METTL21A: variants seen among roughly 807,000 people sequenced by gnomAD.
METTL21A encodes the protein protein N-lysine methyltransferase METTL21A.
METTL21A carries 22 observed loss-of-function variants against 20.9 expected under a neutral mutation model. The observed-to-expected ratio is 1.05, with a 90% CI of 0.75 to 1.50. METTL21A has a LOEUF of 1.50. Among genes scored for constraint, METTL21A ranks in the 40% most tolerant of loss-of-function variants. METTL21A has a pLI of 0.00. For synonymous variants in METTL21A, 93 were observed against 102.0 expected (o/e 0.91, Z 0.53); for missense variants, 271 against 266.8 (o/e 1.02, Z -0.11).
chr2:207,621,668 TG>T (rs1386727625), intron 3 of METTL21A, 137 bp downstream of exon 3: 1 of 690,520 alleles, frequency 1.4e-6, no homozygotes, highest in Non-Finnish European at 2.5e-6. Context: ...CCCCAGCAGT[TG>T]GCCCACAACT....
rs1486978375 is a variant in METTL21A at position 207,621,787 on chromosome 2, G to T, written c.259+19C>A. 3.8e-6 allele frequency: 6 copies of T among 1,598,810 alleles called. No individual in the cohort carries two copies. The highest frequency in any genetic ancestry group is 5.1e-6 in the Non-Finnish European group (6 of 1,166,094). On this transcript the variant is annotated intron_variant, in intron 3 of 3. Transcript: ENST00000406927. ...CTCAATGAGTTCTGCTCACTAAGGAGTCAATGCATGACACTCACCCAGCAG... is the reference window on the plus strand; with the variant it reads ...CTCAATGAGTTCTGCTCACTAAGGATTCAATGCATGACACTCACCCAGCAG...
chr2:207,593,293 A>G (rs1256053749), intron 3 of METTL21A, among the ~76,000 whole-genome samples: 2 of 152,216 alleles, frequency 1.3e-5, no homozygotes, highest in Non-Finnish European at 2.9e-5. Context: ...TGGGAGGCTG[A>G]GGCAGGAGGA....
rs144105113 is a variant in METTL21A, at chr2:207,624,328, T to C, written c.48A>G (p.Lys16=). 55 of 1,613,972 alleles carry C rather than the reference T, an allele frequency of 3.4e-5. No homozygotes were observed. In the African/African-American group the frequency reaches 6.3e-4, roughly 18 times the overall value. Reference sequence around the variant, plus strand: ...AAAAAGTTGCAAGAGGCTTGTGGAATTTCTGCAACCCAAATTCCGTGGTCT... The same window carrying C: ...AAAAAGTTGCAAGAGGCTTGTGGAACTTCTGCAACCCAAATTCCGTGGTCT... Residue 16 remains lysine (K), a synonymous_variant, in exon 2 of 4, where the codon AAA becomes AAG. Transcript: ENST00000406927.
chr2:207,617,321 A>G (rs1026977917), intron 3 of METTL21A, among the ~76,000 whole-genome samples: 2 of 152,256 alleles, frequency 1.3e-5, no homozygotes, highest in African/African-American at 4.8e-5. Context: ...TAATAGAAAC[A>G]TGAGTGTGCG....
exon 4 of METTL21A, chr2:207,581,968 A>G: frequency 1.4e-6 from 1 of 702,192 alleles, no homozygotes. Flanking sequence ...TTGAGATAAT[A>G]GGTTTTGGGG....
intron 2 of METTL21A, among the ~76,000 whole-genome samples, chr2:207,623,305 C>T (rs2090716060): frequency 6.6e-6 from 1 of 152,168 alleles, no homozygotes; most frequent in South Asian, 2.1e-4. Context: ...TTTATTCCTA[C>T]GTGTTTAACA....
intron 3 of METTL21A, chr2:207,602,272 C>T (rs1050085263): frequency 9.0e-5 from 17 of 188,990 alleles, no homozygotes; most frequent in Admixed American, 6.2e-4. Context: ...AGAACAAAGC[C>T]GGTGATGCAA....
exon 3 of METTL21A, chr2:207,621,896 G>A: frequency 2.5e-6 from 4 of 1,614,120 alleles, no homozygotes; most frequent in Non-Finnish European, 3.4e-6. Context: ...CCCATCTCCA[G>A]GTATGTGGAA....
intron 3 of METTL21A, among the ~76,000 whole-genome samples, chr2:207,595,471 G>A (rs2085962647): frequency 6.6e-6 from 1 of 151,598 alleles, no homozygotes; most frequent in African/African-American, 2.4e-5. Context: ...CCCAAGCTGT[G>A]GTATAGTGGC....
At chr2:207,621,335 G>A (rs1374919566) in intron 3 of METTL21A, among the ~76,000 whole-genome samples, 2 of 152,116 alleles carry the variant, frequency 1.3e-5, no homozygotes, top group East Asian at 1.9e-4. Flanking sequence ...TATAGTGGGG[G>A]CTAGCCCTCC....
At chr2:207,624,327 A>G in exon 2 of METTL21A, 2 of 1,613,888 alleles carry the variant, frequency 1.2e-6, no homozygotes, top group Non-Finnish European at 1.7e-6. Flanking sequence ...GGCTTGTGGA[A>G]TTTCTGCAAC....
chr2:207,601,054 A>G (rs2551928), intron 3 of METTL21A: 156,067 of 189,260 alleles, frequency 0.82, 64,698 homozygotes, highest in East Asian at 1. Flanking sequence ...ATGTATCTTA[A>G]AGTTAAGATC....
downstream of METTL21A, among the ~76,000 whole-genome samples, chr2:207,608,556 G>A (rs1418319233): frequency 6.6e-6 from 1 of 151,978 alleles, no homozygotes; most frequent in African/African-American, 2.4e-5. Context: ...GATCACCCAG[G>A]GATATTATTG....
intron 3 of METTL21A, chr2:207,582,790 G>A (rs76863021): frequency 0.01 from 2,803 of 273,510 alleles, 37 homozygotes; most frequent in Non-Finnish European, 0.014. Context: ...CTACTCAGGC[G>A]GCTGAGGCAG....
At chr2:207,607,131 G>A (rs1392375470), downstream of METTL21A, among the ~76,000 whole-genome samples, 14 of 152,162 alleles carry the variant, frequency 9.2e-5, 1 homozygote, top group African/African-American at 3.4e-4. Context: ...GCTCACACCT[G>A]TAATCCCTGC....
intron 3 of METTL21A, among the ~76,000 whole-genome samples, chr2:207,583,823 T>C (rs10199872): frequency 0.046 from 7,073 of 152,276 alleles, 445 homozygotes; most frequent in African/African-American, 0.15. Flanking sequence ...TATTCTCTTA[T>C]ATCCCTTTGA....
intron 3 of METTL21A, chr2:207,620,518 A>C (rs2090365543): frequency 6.6e-6 from 3 of 457,696 alleles, no homozygotes; most frequent in Non-Finnish European, 1.1e-5. Context: ...CCTGGTTTTG[A>C]GTCCCAGATC....
chr2:207,594,553 C>A (rs1287364588), intron 3 of METTL21A, among the ~76,000 whole-genome samples: 1 of 152,144 alleles, frequency 6.6e-6, no homozygotes, highest in Non-Finnish European at 1.5e-5. Flanking sequence ...AGAGGGCCTT[C>A]CTAAGGCTGA....
intron 3 of METTL21A, chr2:207,602,412 A>ATTT (rs1559096435): frequency 2.0e-5 from 4 of 201,582 alleles, no homozygotes; most frequent in Non-Finnish European, 3.1e-5. Context: ...CAGCAAGTAA[A>ATTT]AGGAAAATGA....
Sources: allele counts gnomAD v4.1 joint callset (sites outside exome capture counted in the v4.1 genomes callset), GRCh38; gene constraint gnomAD v4.1.1; transcripts MANE v1.5; gene names NCBI Gene and HGNC (gene_info 2026-07-23, HGNC 2026-07-21).